MEOX1: variants seen among roughly 807,000 people sequenced by gnomAD.
The protein encoded by MEOX1 is homeobox protein MOX-1.
In MEOX1, 17 loss-of-function variants were observed where a neutral mutation model predicts 23.2. The ratio of observed to expected loss-of-function variants is 0.73; its 90% confidence interval spans 0.50 to 1.10. MEOX1 has a LOEUF of 1.10. Ranked by LOEUF, MEOX1 falls within the 50% of genes least tolerant of loss-of-function variation. MEOX1 has a pLI of 0.00. For synonymous variants in MEOX1, 134 were observed against 135.1 expected (o/e 0.99, Z 0.06); for missense variants, 333 against 332.2 (o/e 1.00, Z -0.02).
At chr17:43,657,038 C>CTTTCTT (rs1555567841) in intron 1 of MEOX1, among the ~76,000 whole-genome samples, 7 of 122,676 alleles carry the variant, frequency 5.7e-5, no homozygotes, top group Non-Finnish European at 7.4e-5. Context: ...TTCTTTCTTT[C>CTTTCTT]TTTCTTTCTT....
intron 1 of MEOX1, among the ~76,000 whole-genome samples, chr17:43,660,602 C>T (rs1202976984): frequency 2.6e-5 from 4 of 152,228 alleles, no homozygotes; most frequent in South Asian, 2.1e-4. Flanking sequence ...GGTGGCCACC[C>T]AGGGTCCCAG....
chr17:43,661,425 T>TTGGG lies in MEOX1; in HGVS notation c.109_110insCCCA (p.His37ProfsTer26). 1.2e-6 allele frequency: 1 copy of TTGGG among 860,866 alleles called. No homozygotes were observed. Among genetic ancestry groups the TTGGG allele is most frequent in the Non-Finnish European group, 1.8e-6 (1 of 552,504 alleles). 53.3% of individuals were successfully genotyped at this position (860,866 alleles called of 1,614,324 possible). A position where few individuals can be genotyped will look rare whatever the true frequency, so the allele number is the denominator to read the frequency against. The stretch of plus-strand genomic sequence containing the variant: ...GAAGGAGAACGGGGTGGGCGGGTAG[T>TTGGG]GGGGTAGCCCTGAGGCCCCATTGCC... On this transcript the variant is annotated frameshift_variant, in exon 1 of 3. Coordinates refer to ENST00000318579, the MANE Select transcript of MEOX1 (RefSeq NM_004527.4). LOFTEE classifies it high-confidence loss of function.
rs1480491226 is a variant in MEOX1, at chr17:43,640,734, C to G, written c.*1176G>C. 1 of 152,196 alleles carries G rather than the reference C, an allele frequency of 6.6e-6. No homozygotes were observed. The highest frequency in any genetic ancestry group is 1.5e-5 in the Non-Finnish European group (1 of 68,048). 9.4% of individuals were successfully genotyped at this position (152,196 alleles called of 1,614,324 possible). On this transcript the variant is annotated 3_prime_UTR_variant, in exon 3 of 3. Coordinates refer to ENST00000318579, the MANE Select transcript of MEOX1 (RefSeq NM_004527.4). Reference sequence around the variant, plus strand: ...GGCCATCAGTCCTCAAATGTCATCTCCAGAAGACCTGGCTGAGGTCTGGGC... The same window carrying G: ...GGCCATCAGTCCTCAAATGTCATCTGCAGAAGACCTGGCTGAGGTCTGGGC...
At chr17:43,651,577 G>T (rs1972917464) in intron 1 of MEOX1, among the ~76,000 whole-genome samples, 2 of 152,322 alleles carry the variant, frequency 1.3e-5, no homozygotes, top group South Asian at 2.1e-4. Flanking sequence ...GAAAAGGAAG[G>T]GGGTGGGTCC....
Position 43,661,669 on chromosome 17 carries a change from A to C in MEOX1, c.-135T>G. ...GTTCAACAGAAAATTTACCCCAGGA[A>C]CCAAAAAAAAAAAAAAACCCAAAAC... On this transcript the variant is annotated 5_prime_UTR_variant, in exon 1 of 3. Transcript: ENST00000318579. 3.9e-6 allele frequency: 2 copies of C among 511,674 alleles called. No homozygotes were observed. Among genetic ancestry groups the C allele is most frequent in the Non-Finnish European group, 6.4e-6 (2 of 312,762 alleles). 31.7% of individuals were successfully genotyped at this position (511,674 alleles called of 1,614,324 possible).
Position 43,661,515 on chromosome 17 carries a change from C to T in MEOX1, c.20G>A (p.Ser7Asn), listed in dbSNP as rs1362885152. The change falls in exon 1 of 3, where the codon AGC becomes AAC. Residue 7 changes from serine to asparagine, a missense_variant. By Grantham distance (46) the Ser-to-Asn change is conservative. Transcript: ENST00000318579. Reference protein sequence around the residue: MDPAASSCMRSLQPPAP... With the variant: MDPAASNCMRSLQPPAP... Reference sequence around the variant, plus strand: ...TGGGGGCTGGAGGCTCCTCATGCAGCTGCTGGCCGCGGGATCCATCTGCTG... The same window carrying T: ...TGGGGGCTGGAGGCTCCTCATGCAGTTGCTGGCCGCGGGATCCATCTGCTG... The T allele has an allele frequency of 1.3e-6, 2 of 1,572,708 alleles. No homozygotes were observed. The highest frequency in any genetic ancestry group is 4.6e-5 in the East Asian group (2 of 43,838).
intron 1 of MEOX1, among the ~76,000 whole-genome samples, chr17:43,649,891 CG>C (rs1972885465): frequency 6.6e-6 from 1 of 152,162 alleles, no homozygotes; most frequent in Admixed American, 6.5e-5. Context: ...CATGTGATTG[CG>C]GTTTCCACCA....
At position 43,640,670 on chromosome 17, in the gene MEOX1, G is replaced by A. The variant is rs894424727; in HGVS notation, c.*1240C>T. 1.3e-5 allele frequency: 2 copies of A among 152,168 alleles called. No homozygotes were observed. The highest frequency in any genetic ancestry group is 1.3e-4 in the Admixed American group (2 of 15,274). 9.4% of individuals were successfully genotyped at this position (152,168 alleles called of 1,614,324 possible). A position where few individuals can be genotyped will look rare whatever the true frequency, so the allele number is the denominator to read the frequency against. On this transcript the variant is annotated 3_prime_UTR_variant, in exon 3 of 3. Coordinates refer to ENST00000318579, the MANE Select transcript of MEOX1 (RefSeq NM_004527.4). Reference sequence around the variant, plus strand: ...ACACCAGCTGGTGTTGGGAGACAGAGCGCTGAGGCAGCCAGGGCTTCAGTC... The same window carrying A: ...ACACCAGCTGGTGTTGGGAGACAGAACGCTGAGGCAGCCAGGGCTTCAGTC...
Position 43,645,643 on chromosome 17 carries a change from G to A in MEOX1, c.470-1983C>T, listed in dbSNP as rs560289733. 1.1e-3 allele frequency among the ~76,000 whole-genome samples: 165 copies of A among 152,298 alleles called. 1 individual carries two copies. The highest frequency in any genetic ancestry group is 3.6e-3 in the African/African-American group (148 of 41,564). ...TCAGAGGCCGGGTCTAAGCTACCTG[G>A]GGGACTGGGCTGGGGAATTCAGACC... On this transcript the variant is annotated intron_variant, in intron 1 of 2. Coordinates refer to ENST00000318579, the MANE Select transcript of MEOX1 (RefSeq NM_004527.4).
At chr17:43,649,509 G>A (rs552305061) in intron 1 of MEOX1, among the ~76,000 whole-genome samples, 12 of 152,056 alleles carry the variant, frequency 7.9e-5, no homozygotes, top group East Asian at 1.9e-4. Context: ...GTTTCTCCAC[G>A]TTGGCCAGGC....
At position 43,661,326 on chromosome 17, in the gene MEOX1, G is replaced by A. The variant is rs752260226; in HGVS notation, c.209C>T (p.Thr70Ile). The change falls in exon 1 of 3, where the codon ACC becomes ATC. Residue 70 changes from threonine (T) to isoleucine (I), a missense_variant. Physicochemically the swap from Thr to Ile is moderately conservative, Grantham distance 89. Transcript: ENST00000318579. ...PDFSASCLAA[T>I]PHSLPQEEHI... ...CTCCTCCTGGGGCAGGCTGTGTGGG[G>A]TGGCTGCCAGGCAGGAGGCTGAGAA... 3 of 1,613,288 alleles carry A rather than the reference G, an allele frequency of 1.9e-6. No homozygotes were observed. Among genetic ancestry groups the A allele is most frequent in the South Asian group, 1.1e-5 (1 of 90,942 alleles).
At chr17:43,660,999 G>T in intron 1 of MEOX1, 67 bp downstream of exon 1, 1 of 1,052,462 alleles carries the variant, frequency 9.5e-7, no homozygotes, top group Non-Finnish European at 1.3e-6. Context: ...CCTAGGCACA[G>T]AGAGGGTGAG....
chr17:43,657,933 A>G (rs66663803), intron 1 of MEOX1, among the ~76,000 whole-genome samples: 24,276 of 152,186 alleles, frequency 0.16, 2,791 homozygotes, highest in African/African-American at 0.32. Context: ...AGTTAATCTC[A>G]TGGATCACTG....
At chr17:43,654,778 T>C (rs11079758) in intron 1 of MEOX1, among the ~76,000 whole-genome samples, 104,589 of 152,100 alleles carry the variant, frequency 0.69, 36,129 homozygotes, top group Admixed American at 0.75. Flanking sequence ...TCCAGCCGGG[T>C]GCAGTGACTC....
chr17:43,651,667 T>TGGAGGTCTGCAGGGGCTG (rs1456267735), intron 1 of MEOX1, among the ~76,000 whole-genome samples: 2 of 152,208 alleles, frequency 1.3e-5, no homozygotes, highest in African/African-American at 4.8e-5. Flanking sequence ...GGGCCAGCTC[T>TGGAGGTCTGCAGGGGCTG]GGAGGTCTGC....
At position 43,661,283 on chromosome 17, in the gene MEOX1, C is replaced by T; in HGVS notation, c.252G>A (p.Gln84=). The stretch of plus-strand genomic sequence containing the variant: ...TGGGGGACTGTGGGAAAGCGGGGTG[C>T]TGCTCAGTGAAGATGTGCTCCTCCT... ...LPQEEHIFTE[Q]HPAFPQSPNW... Residue 84 remains glutamine, a synonymous_variant, in exon 1 of 3, where the codon CAG becomes CAA. Coordinates refer to ENST00000318579, the MANE Select transcript of MEOX1 (RefSeq NM_004527.4). 1 of 1,609,982 alleles carries T rather than the reference C, an allele frequency of 6.2e-7. No homozygotes were observed. Among genetic ancestry groups the T allele is most frequent in the East Asian group, 2.2e-5 (1 of 44,726 alleles).
intron 1 of MEOX1, among the ~76,000 whole-genome samples, chr17:43,648,983 G>A (rs1972862146): frequency 6.6e-6 from 1 of 152,194 alleles, no homozygotes; most frequent in Non-Finnish European, 1.5e-5. Context: ...CCGAGGAAGA[G>A]CTTTTGGATC....
intron 1 of MEOX1, among the ~76,000 whole-genome samples, chr17:43,651,267 CTAG>C (rs1972911198): frequency 6.6e-6 from 1 of 152,132 alleles, no homozygotes; most frequent in Non-Finnish European, 1.5e-5. Context: ...TGCAGGAAGC[CTAG>C]ATCGTGCCAC....
intron 1 of MEOX1, among the ~76,000 whole-genome samples, chr17:43,654,728 C>T (rs971152132): frequency 1.3e-5 from 2 of 151,924 alleles, no homozygotes; most frequent in African/African-American, 4.8e-5. Context: ...ATAGCAATTT[C>T]CCTTCTAGGT....
Sources: gnomAD v4.1 joint callset for allele counts (sites outside exome capture counted in the v4.1 genomes callset) on GRCh38, gnomAD v4.1.1 for gene constraint, MANE v1.5 for transcripts, NCBI Gene and HGNC (gene_info 2026-07-23, HGNC 2026-07-21) for gene names.